VPS13B: variants seen among roughly 807,000 people sequenced by gnomAD.
VPS13B encodes the protein intermembrane lipid transfer protein VPS13B.
VPS13B carries 285 observed loss-of-function variants against 426.4 expected under a neutral mutation model. The observed-to-expected ratio is 0.67, with a 90% confidence interval of 0.61 to 0.74. The LOEUF (loss-of-function observed/expected upper bound fraction) is 0.74. Among genes scored for constraint, VPS13B ranks in the 30% least tolerant of loss-of-function variants. VPS13B has a pLI of 0.00. For synonymous variants in VPS13B, 1,676 were observed against 1,676.4 expected (o/e 1.00, Z 0.01); for missense variants, 4,537 against 4,782.6 (o/e 0.95, Z 1.51).
chr8:99,619,036 A>G (rs563494682), intron 33 of VPS13B, among the ~76,000 whole-genome samples: 1 of 151,836 alleles, frequency 6.6e-6, no homozygotes, highest in East Asian at 1.9e-4. Context: ...AATAGTTCCT[A>G]TGTACATGTC....
chr8:99,527,081 T>A (rs1344358734), intron 30 of VPS13B, among the ~76,000 whole-genome samples: 1 of 152,036 alleles, frequency 6.6e-6, no homozygotes, highest in African/African-American at 2.4e-5. Flanking sequence ...ATGCTAAAAA[T>A]CAAAACACTA....
At chr8:99,503,424 A>T (rs960517917) in intron 27 of VPS13B, among the ~76,000 whole-genome samples, 6 of 152,176 alleles carry the variant, frequency 3.9e-5, no homozygotes, top group African/African-American at 1.4e-4. Context: ...CATTTGCCAC[A>T]TGGATTGAAT....
chr8:99,734,437 T>C (rs1833735907), intron 39 of VPS13B, among the ~76,000 whole-genome samples: 1 of 152,172 alleles, frequency 6.6e-6, no homozygotes, highest in African/African-American at 2.4e-5. Flanking sequence ...AAATCTAAGC[T>C]TCATGAAACA....
intron 35 of VPS13B, among the ~76,000 whole-genome samples, chr8:99,692,574 G>A (rs1340902184): frequency 5.0e-5 from 7 of 139,734 alleles, no homozygotes; most frequent in African/African-American, 8.2e-5. Flanking sequence ...AGCACTAAAT[G>A]CCCACAAGAG....
chr8:99,677,502 A>G (rs1296038098), intron 35 of VPS13B, among the ~76,000 whole-genome samples: 4 of 152,248 alleles, frequency 2.6e-5, no homozygotes, highest in African/African-American at 9.6e-5. Flanking sequence ...GAATTTTAAA[A>G]TAGGGAAAAG....
intron 17 of VPS13B, among the ~76,000 whole-genome samples, chr8:99,220,484 T>C (rs537807520): frequency 2.0e-5 from 3 of 152,336 alleles, no homozygotes; most frequent in African/African-American, 7.2e-5. Context: ...TAGATGTCAT[T>C]TCCAAATTTG....
chr8:99,786,971 G>A (rs959614998), intron 43 of VPS13B, among the ~76,000 whole-genome samples: 1 of 152,130 alleles, frequency 6.6e-6, no homozygotes, highest in African/African-American at 2.4e-5. Flanking sequence ...ACTGCACCTG[G>A]AGCTTGTCAT....
intron 43 of VPS13B, among the ~76,000 whole-genome samples, chr8:99,808,095 A>C (rs561133307): frequency 3.3e-5 from 5 of 152,050 alleles, no homozygotes; most frequent in East Asian, 1.9e-4. Context: ...GAGGTTTTCA[A>C]AGTTTTATTC....
intron 23 of VPS13B, 58 bp from the exon 24 acceptor site, chr8:99,467,356 A>C: frequency 6.6e-7 from 1 of 1,513,796 alleles, no homozygotes; most frequent in South Asian, 1.1e-5. Flanking sequence ...CTATCAAGTG[A>C]AAATTAATTG....
chr8:99,856,572 G>A (rs1055669284), intron 56 of VPS13B, among the ~76,000 whole-genome samples: 2 of 152,242 alleles, frequency 1.3e-5, no homozygotes, highest in Admixed American at 6.5e-5. Flanking sequence ...CGGGCGCAGT[G>A]GCTCACGCCT....
intron 10 of VPS13B, 119 bp downstream of exon 10, chr8:99,135,256 C>G: frequency 1.4e-6 from 2 of 1,407,510 alleles, no homozygotes; most frequent in South Asian, 1.3e-5. Context: ...GAGAGAGGAG[C>G]TTTACTATTT....
At chr8:99,833,533 C>T (rs944839272) in intron 52 of VPS13B, among the ~76,000 whole-genome samples, 29 of 152,140 alleles carry the variant, frequency 1.9e-4, no homozygotes, top group African/African-American at 7.0e-4. Flanking sequence ...CTGTTCTCCA[C>T]ACATCCCTCC....
rs1180404619 is a variant in VPS13B, at chr8:99,442,613, C to T, written c.3423C>T (p.Ile1141=). The stretch of plus-strand genomic sequence containing the variant: ...CTCTGCAGGAGATTCCATTTGTTAT[C>T]CCACGACCCATCCTTGAAGAAGGTA... ...MEPLQEIPFV[I]PRPILEEGDA... Residue 1141 remains isoleucine, a synonymous_variant, in exon 23 of 62, where the codon ATC becomes ATT. Transcript: ENST00000357162. 12 of 1,613,820 alleles carry T rather than the reference C, an allele frequency of 7.4e-6. No homozygotes were observed. Among genetic ancestry groups the T allele is most frequent in the Non-Finnish European group, 1.0e-5 (12 of 1,179,828 alleles).
chr8:99,464,092 G>A (rs1046205891), intron 23 of VPS13B, among the ~76,000 whole-genome samples: 1 of 152,048 alleles, frequency 6.6e-6, no homozygotes, highest in African/African-American at 2.4e-5. Context: ...TCTTTCTCTC[G>A]AGTGTTATAC....
chr8:99,859,244 C>G, intron 56 of VPS13B, 60 bp from the exon 57 acceptor site: 2 of 1,606,060 alleles, frequency 1.2e-6, no homozygotes, highest in South Asian at 2.2e-5. Flanking sequence ...CACTTTTTCA[C>G]AAATGTTGAA....
intron 23 of VPS13B, among the ~76,000 whole-genome samples, chr8:99,458,812 G>A (rs945788772): frequency 2.2e-4 from 34 of 152,266 alleles, no homozygotes; most frequent in Admixed American, 1.9e-3. Flanking sequence ...GTAGATTCTG[G>A]ATATTAGCCC....
chr8:99,604,655 G>A (rs971761755), intron 33 of VPS13B, among the ~76,000 whole-genome samples: 7 of 151,732 alleles, frequency 4.6e-5, no homozygotes, highest in Non-Finnish European at 7.4e-5. Flanking sequence ...GCCTGCCACT[G>A]CGCCCGGCTA....
intron 39 of VPS13B, among the ~76,000 whole-genome samples, chr8:99,747,554 A>G (rs1370653432): frequency 6.6e-6 from 1 of 152,078 alleles, no homozygotes; most frequent in Non-Finnish European, 1.5e-5. Flanking sequence ...GCCCTTTGGA[A>G]TTGTCAGTGT....
intron 54 of VPS13B, among the ~76,000 whole-genome samples, chr8:99,848,051 T>G (rs1013891956): frequency 1.3e-5 from 2 of 152,206 alleles, no homozygotes; most frequent in African/African-American, 2.4e-5. Flanking sequence ...ATGATGTTCT[T>G]GGAGTTGTTT....
Sources: allele counts gnomAD v4.1 joint callset (sites outside exome capture counted in the v4.1 genomes callset), GRCh38; gene constraint gnomAD v4.1.1; transcripts MANE v1.5; gene names NCBI Gene and HGNC (gene_info 2026-07-23, HGNC 2026-07-21).